ALK: variants seen among roughly 807,000 people sequenced by gnomAD.
ALK encodes ALK tyrosine kinase receptor.
In ALK, 74 loss-of-function variants were observed where a neutral mutation model predicts 163.1. The ratio of observed to expected loss-of-function variants is 0.45; its 90% confidence interval spans 0.38 to 0.55. The LOEUF (loss-of-function observed/expected upper bound fraction) is 0.55. Among genes scored for constraint, ALK ranks in the 20% least tolerant of loss-of-function variants. The pLI is 0.00. For synonymous variants in ALK, 960 were observed against 843.2 expected, an observed-to-expected ratio of 1.14 and a Z score of -2.40; for missense variants, 2,063 against 2,105.3, an observed-to-expected ratio of 0.98 and a Z score of 0.39.
intron 25 of ALK, among the ~76,000 whole-genome samples, chr2:29,209,369 C>T (rs1331600254): frequency 6.6e-6 from 1 of 151,794 alleles, no homozygotes; most frequent in African/African-American, 2.4e-5. Context: ...GGAGAAACCT[C>T]GTCTCTACTA....
At chr2:29,766,608 C>T (rs187669609) in intron 1 of ALK, among the ~76,000 whole-genome samples, 12 of 152,274 alleles carry the variant, frequency 7.9e-5, no homozygotes, top group Admixed American at 7.2e-4. Flanking sequence ...TGATCTAAAT[C>T]TATGTTGATC....
At chr2:29,629,464 T>C (rs923920774) in intron 3 of ALK, among the ~76,000 whole-genome samples, 3 of 152,298 alleles carry the variant, frequency 2.0e-5, no homozygotes, top group Admixed American at 6.5e-5. Context: ...AGATGGAATA[T>C]AGAACTTTCC....
chr2:29,480,351 G>A (rs959761818), intron 4 of ALK, among the ~76,000 whole-genome samples: 5 of 152,124 alleles, frequency 3.3e-5, no homozygotes, highest in Admixed American at 6.5e-5. Flanking sequence ...TGGTGGGGAT[G>A]GAGCTGTTTG....
At chr2:29,757,790 T>G (rs1215630221) in intron 1 of ALK, among the ~76,000 whole-genome samples, 3 of 152,082 alleles carry the variant, frequency 2.0e-5, no homozygotes, top group African/African-American at 4.8e-5. Context: ...ATATTCTGGT[T>G]TGGTTTTGGT....
intron 5 of ALK, among the ~76,000 whole-genome samples, chr2:29,340,354 G>T (rs1465884779): frequency 6.6e-6 from 1 of 152,192 alleles, no homozygotes; most frequent in Non-Finnish European, 1.5e-5. Flanking sequence ...TGAGAGCAAA[G>T]GGAAGGAGGG....
intron 8 of ALK, among the ~76,000 whole-genome samples, chr2:29,304,362 G>A (rs1291407011): frequency 6.6e-6 from 1 of 152,070 alleles, no homozygotes; most frequent in Non-Finnish European, 1.5e-5. Flanking sequence ...CAGGTGTGGT[G>A]GCAGGTGCCT....
intron 1 of ALK, among the ~76,000 whole-genome samples, chr2:29,766,409 C>A (rs1169060178): frequency 2.6e-5 from 4 of 152,160 alleles, no homozygotes; most frequent in Non-Finnish European, 5.9e-5. Flanking sequence ...CCATGAATCA[C>A]CCCATGTTCT....
chr2:29,662,781 A>G (rs973005461), intron 3 of ALK, among the ~76,000 whole-genome samples: 5 of 152,184 alleles, frequency 3.3e-5, no homozygotes, highest in African/African-American at 7.2e-5. Context: ...CATTTTTCCA[A>G]ATAAAGACAG....
intron 5 of ALK, among the ~76,000 whole-genome samples, chr2:29,353,324 G>A (rs1396374162): frequency 6.6e-6 from 1 of 152,186 alleles, no homozygotes; most frequent in African/African-American, 2.4e-5. Context: ...GGAAGATAAT[G>A]AGCTTGATGC....
chr2:29,575,651 G>A (rs1674503762), intron 3 of ALK, among the ~76,000 whole-genome samples: 1 of 152,216 alleles, frequency 6.6e-6, no homozygotes, highest in Non-Finnish European at 1.5e-5. Context: ...GGAGAGCAGG[G>A]CAACCATTTG....
chr2:29,359,200 C>T (rs1391360312), intron 5 of ALK, among the ~76,000 whole-genome samples: 1 of 152,172 alleles, frequency 6.6e-6, no homozygotes, highest in African/African-American at 2.4e-5. Context: ...AACACTGCAG[C>T]ATCCACACAC....
chr2:29,665,187 G>A (rs1047065669), intron 3 of ALK, among the ~76,000 whole-genome samples: 11 of 151,222 alleles, frequency 7.3e-5, no homozygotes, highest in Admixed American at 6.6e-5. Flanking sequence ...GGGTTTTTCC[G>A]TGTTGACCAG....
In ALK at chr2:29,209,771, G is replaced by C. The variant is rs2148154956; in HGVS notation, c.3836+15C>G. 1 of 1,599,220 alleles carries C rather than the reference G, an allele frequency of 6.3e-7. No individual in the cohort carries two copies. The highest frequency in any genetic ancestry group is 8.6e-7 in the Non-Finnish European group (1 of 1,166,628). ...GAAGAGACAGGCCCGGAGGGGTGAG[G>C]CAGTCTTTACTCACCTGTAGATGTC... On this transcript the variant is annotated intron_variant, in intron 25 of 28. Coordinates refer to ENST00000389048, the MANE Select transcript of ALK (RefSeq NM_004304.5).
chr2:29,824,757 G>C (rs1032196475), intron 1 of ALK, among the ~76,000 whole-genome samples: 1 of 152,164 alleles, frequency 6.6e-6, no homozygotes, highest in African/African-American at 2.4e-5. Flanking sequence ...CAGGCTCGTA[G>C]GCAGAAGGGA....
chr2:29,797,037 CAT>C (rs1289912043), intron 1 of ALK, among the ~76,000 whole-genome samples: 7 of 151,678 alleles, frequency 4.6e-5, no homozygotes, highest in East Asian at 3.9e-4. Context: ...CATACACACA[CAT>C]ATATATATGG....
At chr2:29,368,150 A>T (rs10201857) in intron 5 of ALK, among the ~76,000 whole-genome samples, 150,307 of 152,320 alleles carry the variant, frequency 0.99, 74,191 homozygotes, top group Middle Eastern at 1. Flanking sequence ...GCTGTGGCAC[A>T]TGGATGACCC....
chr2:29,423,094 C>T (rs1234147006), intron 4 of ALK, among the ~76,000 whole-genome samples: 1 of 151,966 alleles, frequency 6.6e-6, no homozygotes, highest in Non-Finnish European at 1.5e-5. Context: ...TTTTTTCTCT[C>T]TTAGCAGAAA....
chr2:29,531,543 G>A (rs1262359371), intron 4 of ALK, among the ~76,000 whole-genome samples: 2 of 152,130 alleles, frequency 1.3e-5, no homozygotes, highest in Non-Finnish European at 2.9e-5. Context: ...CCCAACTTCT[G>A]CTGGTAAAAC....
chr2:29,669,812 A>C (rs1318292466), intron 3 of ALK, among the ~76,000 whole-genome samples: 1 of 152,084 alleles, frequency 6.6e-6, no homozygotes, highest in African/African-American at 2.4e-5. Flanking sequence ...ATAGATAATA[A>C]TAAGTTGTTT....
Sources: gnomAD v4.1 joint callset for allele counts (sites outside exome capture counted in the v4.1 genomes callset) on GRCh38, gnomAD v4.1.1 for gene constraint, MANE v1.5 for transcripts, NCBI Gene and HGNC (gene_info 2026-07-23, HGNC 2026-07-21) for gene names.